The following CCDC178 variants were observed in gnomAD, a reference collection of about 807,000 sequenced individuals.
CCDC178 encodes coiled-coil domain containing 178, also known as coiled-coil domain-containing protein 178.
Under a neutral mutation model 117.4 loss-of-function variants are expected in CCDC178, and 126 were observed. The observed-to-expected ratio is 1.07, with a 90% CI of 0.93 to 1.24. CCDC178 has a LOEUF of 1.24. CCDC178 is among the 50% of genes most tolerant of loss of function. CCDC178 has a pLI of 0.00. For synonymous variants in CCDC178, 283 were observed against 313.4 expected, an observed-to-expected ratio of 0.90 and a Z score of 1.02; for missense variants, 1,030 against 986.9, an observed-to-expected ratio of 1.04 and a Z score of -0.59.
chr18:33,336,843 T>C (rs1483695690), intron 9 of CCDC178, among the ~76,000 whole-genome samples: 1 of 151,252 alleles, frequency 6.6e-6, no homozygotes, highest in African/African-American at 2.4e-5. Context: ...CCTCCAGATT[T>C]GTTCTTTTTG....
intron 21 of CCDC178, among the ~76,000 whole-genome samples, chr18:33,081,186 T>C (rs1255475107): frequency 6.6e-6 from 1 of 152,198 alleles, no homozygotes; most frequent in Non-Finnish European, 1.5e-5. Context: ...TTTACTGACA[T>C]GTGATCCCAT....
intron 21 of CCDC178, among the ~76,000 whole-genome samples, chr18:32,991,548 T>C (rs1397301101): frequency 6.6e-6 from 1 of 152,222 alleles, no homozygotes; most frequent in Non-Finnish European, 1.5e-5. Flanking sequence ...TAGAAGGTAG[T>C]TTTATTTCAA....
intron 14 of CCDC178, among the ~76,000 whole-genome samples, chr18:33,261,362 C>T (rs1023809527): frequency 2.0e-5 from 3 of 152,176 alleles, no homozygotes; most frequent in Admixed American, 6.5e-5. Context: ...GGACTACAGG[C>T]TTGAGCCACC....
intron 15 of CCDC178, among the ~76,000 whole-genome samples, chr18:33,230,008 T>G (rs141290523): frequency 6.6e-6 from 1 of 152,272 alleles, no homozygotes; most frequent in African/African-American, 2.4e-5. Flanking sequence ...TCACAAGAAC[T>G]ATAGTGTGGT....
At chr18:33,054,277 T>C (rs1456973376) in intron 21 of CCDC178, among the ~76,000 whole-genome samples, 7 of 152,222 alleles carry the variant, frequency 4.6e-5, no homozygotes, top group African/African-American at 1.7e-4. Flanking sequence ...TTCAACTTTT[T>C]ATTCTAAGTT....
intron 10 of CCDC178, chr18:33,327,968 T>C: frequency 1.2e-5 from 4 of 322,560 alleles, no homozygotes; most frequent in South Asian, 9.6e-5. Flanking sequence ...TTTACTTTCT[T>C]GATAGTGTCC....
intron 21 of CCDC178, among the ~76,000 whole-genome samples, chr18:33,072,804 A>G: frequency 6.6e-6 from 1 of 152,118 alleles, no homozygotes. Flanking sequence ...AGGTGCTTTC[A>G]CTATGTTGGC....
intron 2 of CCDC178, among the ~76,000 whole-genome samples, chr18:33,417,082 C>T (rs1263325648): frequency 2.0e-5 from 3 of 152,118 alleles, no homozygotes; most frequent in Non-Finnish European, 2.9e-5. Flanking sequence ...AACAATAAGA[C>T]GCAGCAATTG....
chr18:33,128,018 T>C (rs991386780), intron 20 of CCDC178, among the ~76,000 whole-genome samples: 3 of 152,182 alleles, frequency 2.0e-5, no homozygotes, highest in African/African-American at 4.8e-5. Flanking sequence ...CAATTCAGAC[T>C]GATTTAGAGA....
chr18:32,948,674 A>G (rs2054408997), intron 22 of CCDC178, among the ~76,000 whole-genome samples: 1 of 152,064 alleles, frequency 6.6e-6, no homozygotes, highest in Non-Finnish European at 1.5e-5. Flanking sequence ...ATAATAATAC[A>G]TTTATTCTCT....
chr18:33,216,769 C>T (rs1348551330), intron 18 of CCDC178, among the ~76,000 whole-genome samples: 1 of 151,896 alleles, frequency 6.6e-6, no homozygotes, highest in African/African-American at 2.4e-5. Context: ...TGATAATTTT[C>T]TACTGATAAA....
At chr18:33,034,590 C>T (rs1296872427) in intron 21 of CCDC178, among the ~76,000 whole-genome samples, 2 of 152,014 alleles carry the variant, frequency 1.3e-5, no homozygotes, top group Non-Finnish European at 2.9e-5. Flanking sequence ...TCATTCAAGG[C>T]TTGGAAAAGC....
intron 20 of CCDC178, among the ~76,000 whole-genome samples, chr18:33,165,345 C>A (rs942204340): frequency 6.6e-6 from 1 of 152,018 alleles, no homozygotes; most frequent in Non-Finnish European, 1.5e-5. Context: ...AGTATAACAA[C>A]AATTTACACA....
intron 20 of CCDC178, among the ~76,000 whole-genome samples, chr18:33,174,353 A>G (rs1361346825): frequency 6.6e-6 from 1 of 152,170 alleles, no homozygotes; most frequent in Non-Finnish European, 1.5e-5. Flanking sequence ...AAATATCCAA[A>G]CCATATCAGA....
chr18:33,151,042 T>C (rs1267647729), intron 20 of CCDC178, among the ~76,000 whole-genome samples: 3 of 152,108 alleles, frequency 2.0e-5, no homozygotes, highest in Non-Finnish European at 4.4e-5. Flanking sequence ...GGAGTTAAGC[T>C]ATGAGGATGC....
In CCDC178 at chr18:33,267,300, A is replaced by G. The variant is rs2059831330; in HGVS notation, c.1177-3T>C. The G allele has an allele frequency of 6.4e-7, 1 of 1,561,680 alleles. No individual in the cohort carries two copies. Among genetic ancestry groups the G allele is most frequent in the South Asian group, 1.2e-5 (1 of 85,818 alleles). On this transcript the variant is annotated splice_region_variant and splice_polypyrimidine_tract_variant and intron_variant, in intron 12 of 22. Coordinates refer to ENST00000383096, the MANE Select transcript of CCDC178 (RefSeq NM_001105528.4). The stretch of plus-strand genomic sequence containing the variant: ...TAAACTCTTCTCAAATCTTCCAGCT[A>G]AGAAAGAAGATATACAGAACAAAGT...
Position 33,194,056 on chromosome 18 carries a change from C to T in CCDC178, c.2238+17840G>A, listed in dbSNP as rs74493098. 1.6e-3 allele frequency among the ~76,000 whole-genome samples: 244 copies of T among 151,738 alleles called. 2 individuals are homozygous for T. In the East Asian group the frequency reaches 0.022, roughly 13 times the overall value. On this transcript the variant is annotated intron_variant, in intron 20 of 22. Coordinates refer to ENST00000383096, the MANE Select transcript of CCDC178 (RefSeq NM_001105528.4). ...GAGCACTCATGGCCTGAACACCCTC[C>T]GAGGTCCCACCTCTTAATACTGTTA...
chr18:33,096,981 G>A (rs2057552463), intron 20 of CCDC178, among the ~76,000 whole-genome samples: 1 of 152,104 alleles, frequency 6.6e-6, no homozygotes, highest in African/African-American at 2.4e-5. Flanking sequence ...AGAGATATCA[G>A]TTGAGGTAAA....
chr18:33,332,767 C>T (rs574168339), intron 10 of CCDC178, among the ~76,000 whole-genome samples: 43 of 152,058 alleles, frequency 2.8e-4, no homozygotes, highest in Non-Finnish European at 5.7e-4. Flanking sequence ...GCACAAGCCA[C>T]CACATCTGGC....
Sources: gnomAD v4.1 joint callset for allele counts (sites outside exome capture counted in the v4.1 genomes callset) on GRCh38, gnomAD v4.1.1 for gene constraint, MANE v1.5 for transcripts, NCBI Gene and HGNC (gene_info 2026-07-23, HGNC 2026-07-21) for gene names.